The following HTT variants were observed in gnomAD, a reference collection of about 807,000 sequenced individuals.
The protein encoded by HTT is huntington disease protein.
A neutral mutation model predicts 362.3 loss-of-function variants in HTT; 104 were observed. The ratio of observed to expected loss-of-function variants is 0.29; its 90% CI spans 0.24 to 0.34. HTT has a LOEUF of 0.34. Ranked by LOEUF, HTT falls within the 10% of genes least tolerant of loss-of-function variation. The pLI is 1.00. For synonymous variants in HTT, 1,577 were observed against 1,548.7 expected (o/e 1.02, Z -0.43); for missense variants, 3,301 against 3,928.6 (o/e 0.84, Z 4.27).
Position 3,222,479 on chromosome 4 carries a change from C to T in HTT, c.7462C>T (p.Pro2488Ser). 6.2e-7 allele frequency: 1 copy of T among 1,613,726 alleles called. No homozygotes were observed. The highest frequency in any genetic ancestry group is 1.3e-5 in the African/African-American group (1 of 75,028). Reference sequence around the variant, plus strand: ...CCTCGTGATGGAGCAGGAGGAGAGCCCACCAGAAGTAAGGCCACACCCTGT... The same window carrying T: ...CCTCGTGATGGAGCAGGAGGAGAGCTCACCAGAAGTAAGGCCACACCCTGT... ...QPLVMEQEES[P>S]PEEDTERTQI... The change falls in exon 54 of 67, where the codon CCA becomes TCA. Residue 2488 changes from proline to serine, a missense_variant. Coordinates refer to ENST00000355072, the MANE Select transcript of HTT (RefSeq NM_001388492.1).
At chr4:3,229,118 C>A in intron 59 of HTT, 109 bp downstream of exon 59, 2 of 1,096,512 alleles carry the variant, frequency 1.8e-6, no homozygotes, top group African/African-American at 1.6e-5. Flanking sequence ...TGCACACACA[C>A]CCCTCATGCA....
intron 61 of HTT, among the ~76,000 whole-genome samples, chr4:3,234,268 A>G (rs1721411457): frequency 6.6e-6 from 1 of 152,348 alleles, no homozygotes; most frequent in East Asian, 1.9e-4. Context: ...ACAGCGGCTC[A>G]TCAGGGGCCA....
In HTT at chr4:3,125,457, T is replaced by G. The variant is rs1715479529; in HGVS notation, c.1322-92T>G. On this transcript the variant is annotated intron_variant, in intron 10 of 66. Coordinates refer to ENST00000355072, the MANE Select transcript of HTT (RefSeq NM_001388492.1). ...AAACTATATTAGAGTAAATTAAATA[T>G]TCTTATGAGTTTCATTTTAGAGTGC... is the stretch of plus-strand genomic sequence containing the variant. 26 of 751,160 alleles carry G rather than the reference T, an allele frequency of 3.5e-5. No individual in the cohort carries two copies. The South Asian group carries it at 4.1e-4, about 12-fold the overall frequency. The allele number at this position is 751,160 out of a possible 1,614,324, so 46.5% of individuals were successfully genotyped here. A position where few individuals can be genotyped will look rare whatever the true frequency, so the allele number is the denominator to read the frequency against.
rs752690276 is a variant in HTT at position 3,235,734 on chromosome 4, G to T, written c.8741G>T (p.Arg2914Leu). The change falls in exon 63 of 67, where the codon CGG (arginine) becomes CTG (leucine). Residue 2914 changes from arginine to leucine, a missense_variant. Coordinates refer to ENST00000355072, the MANE Select transcript of HTT (RefSeq NM_001388492.1). ...AGAGTGAACGTGCACAGCCCGCACC[G>T]GGCCATGGCGGCTCTGGGCCTGATG... ...VDRVNVHSPH[R>L]AMAALGLMLT... 9.9e-6 allele frequency: 16 copies of T among 1,611,588 alleles called. No individual in the cohort carries two copies.
chr4:3,097,649 A>T (rs1578495498), intron 2 of HTT, among the ~76,000 whole-genome samples: 1 of 152,172 alleles, frequency 6.6e-6, no homozygotes, highest in Non-Finnish European at 1.5e-5. Context: ...ATAAATAAAT[A>T]AAAAGGACTA....
At chr4:3,172,858 A>G (rs1391261706) in intron 30 of HTT, 50 bp from the exon 31 acceptor site, 1 of 1,247,990 alleles carries the variant, frequency 8.0e-7, no homozygotes, top group Non-Finnish European at 1.2e-6. Flanking sequence ...GGAGATTCTT[A>G]AAAGTGTTGT....
chr4:3,226,312 G>A (rs2039872368), intron 57 of HTT, among the ~76,000 whole-genome samples: 1 of 152,138 alleles, frequency 6.6e-6, no homozygotes, highest in Non-Finnish European at 1.5e-5. Context: ...GATAAGTGAA[G>A]GGATTCAAGG....
At position 3,212,017 on chromosome 4, in the gene HTT, C is replaced by G; in HGVS notation, c.6503C>G (p.Ala2168Gly). Reference sequence around the variant, plus strand: ...CAGAAGAGTGCCCTTTTTGAAGCAGCCCGTGAGGTGACTCTGGCCCGTGTG... The same window carrying G: ...CAGAAGAGTGCCCTTTTTGAAGCAGGCCGTGAGGTGACTCTGGCCCGTGTG... ...GGQKSALFEA[A>G]REVTLARVSG... Residue 2168 changes from alanine to glycine, a missense_variant, in exon 48 of 67, where the codon GCC (alanine) becomes GGC (glycine). Physicochemically the swap from Ala to Gly is moderately conservative, Grantham distance 60 (BLOSUM62 0). Transcript: ENST00000355072. 1 of 1,614,140 alleles carries G rather than the reference C, an allele frequency of 6.2e-7. No individual in the cohort carries two copies. The highest frequency in any genetic ancestry group is 8.5e-7 in the Non-Finnish European group (1 of 1,179,998).
Position 3,206,968 on chromosome 4 carries a change from G to A in HTT, c.6060G>A (p.Leu2020=). Residue 2020 remains leucine (L), a synonymous_variant, in exon 44 of 67, where the codon CTG becomes CTA. Transcript: ENST00000355072. The surrounding 1 kb of genome is among the most constrained non-coding windows in gnomAD (Gnocchi z 4.6). ...ILACRRVEML[L]AANLQSSMAQ... ...CTTGTCGCCGGGTAGAAATGCTTCT[G>A]GCTGCAAATTTACAGGTATTGGGAA... is the stretch of plus-strand genomic sequence containing the variant. 1 of 1,608,856 alleles carries A rather than the reference G, an allele frequency of 6.2e-7. No homozygotes were observed. Among genetic ancestry groups the A allele is most frequent in the Non-Finnish European group, 8.5e-7 (1 of 1,178,406 alleles).
chr4:3,148,844 C>G (rs146404534), intron 26 of HTT, among the ~76,000 whole-genome samples: 1 of 152,252 alleles, frequency 6.6e-6, no homozygotes, highest in African/African-American at 2.4e-5. Context: ...GTAATCCCAG[C>G]TACTTGGGAG....
At position 3,136,225 on chromosome 4, in the gene HTT, G is replaced by A; in HGVS notation, c.2698-1G>A. The A allele has an allele frequency of 6.3e-7, 1 of 1,592,002 alleles. No individual in the cohort carries two copies. Among genetic ancestry groups the A allele is most frequent in the Non-Finnish European group, 8.6e-7 (1 of 1,161,352 alleles). The stretch of plus-strand genomic sequence containing the variant: ...TATTTTTATTATCCTTCTCTCTAAA[G>A]CTTTTAAAACTGCAAGAACGAGTGC... On this transcript the variant is annotated splice_acceptor_variant, in intron 20 of 66. Coordinates refer to ENST00000355072, the MANE Select transcript of HTT (RefSeq NM_001388492.1). LOFTEE classifies it high-confidence loss of function.
intron 53 of HTT, among the ~76,000 whole-genome samples, chr4:3,220,794 TG>T (rs1312316462): frequency 2.6e-5 from 4 of 152,112 alleles, no homozygotes; most frequent in Admixed American, 1.3e-4. Context: ...AAAGCAGGCT[TG>T]GGGCTCAGAC....
intron 15 of HTT, 89 bp from the exon 16 acceptor site, chr4:3,131,549 G>T (rs1715817074): frequency 6.4e-7 from 1 of 1,550,564 alleles, no homozygotes; most frequent in Admixed American, 1.7e-5. Context: ...GGAAATGATG[G>T]GAGCAGGTAG....
intron 52 of HTT, among the ~76,000 whole-genome samples, chr4:3,219,928 G>C (rs559234777): frequency 6.6e-6 from 1 of 151,958 alleles, no homozygotes; most frequent in Non-Finnish European, 1.5e-5. Context: ...CACTCCCTGA[G>C]TGGGGTGTGC....
intron 65 of HTT, 75 bp from the exon 66 acceptor site, chr4:3,238,743 C>A: frequency 3.6e-6 from 4 of 1,122,864 alleles, no homozygotes; most frequent in Non-Finnish European, 5.1e-6. Flanking sequence ...CCCACCCCAC[C>A]CCCGCCACCC....
chr4:3,085,184 C>T (rs1713144358), intron 1 of HTT, among the ~76,000 whole-genome samples: 1 of 151,686 alleles, frequency 6.6e-6, no homozygotes, highest in African/African-American at 2.4e-5. Flanking sequence ...GTTCCCCAGG[C>T]TAGAGTGCAA....
chr4:3,074,929 A>AGCAGCG lies in HTT; in HGVS notation c.109_110insGGCAGC (p.Gln36_Gln37insArgGln), dbSNP rs1712407487. 3.5e-6 allele frequency: 5 copies of AGCAGCG among 1,418,314 alleles called. No homozygotes were observed. Among genetic ancestry groups the AGCAGCG allele is most frequent in the Non-Finnish European group, 4.7e-6 (5 of 1,069,704 alleles). 87.9% of individuals were successfully genotyped at this position (1,418,314 alleles called of 1,614,324 possible). ...CAGCAGCAGCAGCAGCAGCAGCAGC[A>AGCAGCG]GCAGCAACAGCCGCCACCGCCGCCG... On this transcript the variant is annotated inframe_insertion, in exon 1 of 67. Transcript: ENST00000355072.
chr4:3,166,428 G>A lies in HTT; in HGVS notation c.3865-5892G>A, dbSNP rs186377380. On this transcript the variant is annotated intron_variant, in intron 29 of 66. Coordinates refer to ENST00000355072, the MANE Select transcript of HTT (RefSeq NM_001388492.1). ...ATTATCGGAGCTTGAATGCCGTACC[G>A]GGAGAACCACTGCTCTCTTCAGAGC... Among the ~76,000 whole-genome samples the A allele has an allele frequency of 3.9e-3, 597 of 152,314 alleles. 2 individuals are homozygous for A. The highest frequency in any genetic ancestry group is 5.9e-3 in the Non-Finnish European group (404 of 68,018).
At chr4:3,235,119 G>A (rs981635384) in intron 61 of HTT, among the ~76,000 whole-genome samples, 165 bp from the exon 62 acceptor site, 1 of 152,132 alleles carries the variant, frequency 6.6e-6, no homozygotes, top group African/African-American at 2.4e-5. Flanking sequence ...GAGGCTGAAG[G>A]GTCAGGCCAG....
Sources: allele counts gnomAD v4.1 joint callset (sites outside exome capture counted in the v4.1 genomes callset), GRCh38; gene constraint gnomAD v4.1.1; non-coding constraint Gnocchi (gnomAD v3.1); transcripts MANE v1.5; gene names NCBI Gene and HGNC (gene_info 2026-07-23, HGNC 2026-07-21).